The following ADGRE5 variants were observed in gnomAD, a reference collection of about 807,000 sequenced individuals.
ADGRE5 encodes adhesion G protein-coupled receptor E5.
In ADGRE5, 72 loss-of-function variants were observed where a neutral mutation model predicts 100.3. The ratio of observed to expected loss-of-function variants is 0.72; its 90% CI spans 0.59 to 0.87. The LOEUF (loss-of-function observed/expected upper bound fraction) is 0.87, where lower values mean the gene tolerates loss of function less well. ADGRE5 is among the 40% of genes least tolerant of loss of function. The pLI, the probability that ADGRE5 is intolerant of heterozygous loss-of-function variation, is 0.00. For missense variants in ADGRE5, 959 were observed against 1,094.7 expected (o/e 0.88, Z 1.75); for synonymous variants, 439 against 447.8 (o/e 0.98, Z 0.25).
Position 14,381,460 on chromosome 19 carries a change from T to C in ADGRE5, c.-64T>C, listed in dbSNP as rs2302996. 0.37 allele frequency: 585,329 copies of C among 1,593,648 alleles called. 109,903 individuals carry two copies. Among genetic ancestry groups the C allele is most frequent in the African/African-American group, 0.43 (31,438 of 72,626 alleles). Reference sequence around the variant, plus strand: ...ACAGCCTGCACAGCTGCCTAGCCTGTGGAGACGGGACAGCCCTGTCCCACT... The same window carrying C: ...ACAGCCTGCACAGCTGCCTAGCCTGCGGAGACGGGACAGCCCTGTCCCACT... On this transcript the variant is annotated 5_prime_UTR_variant, in exon 1 of 20. Coordinates refer to ENST00000242786, the MANE Select transcript of ADGRE5 (RefSeq NM_078481.4).
chr19:14,394,851 G>C (rs1599620646), intron 4 of ADGRE5, among the ~76,000 whole-genome samples: 1 of 152,084 alleles, frequency 6.6e-6, no homozygotes, highest in Non-Finnish European at 1.5e-5. Context: ...GATGCCTCCC[G>C]ACCACCTTTC....
chr19:14,382,462 T>C (rs1194475105), intron 1 of ADGRE5, among the ~76,000 whole-genome samples: 1 of 152,174 alleles, frequency 6.6e-6, no homozygotes, highest in Non-Finnish European at 1.5e-5. Context: ...ACTTTTCTCA[T>C]CTATAAAATG....
chr19:14,396,970 T>C, intron 5 of ADGRE5, 107 bp from the exon 6 acceptor site: 3 of 1,346,076 alleles, frequency 2.2e-6, no homozygotes, highest in Non-Finnish European at 3.0e-6. Context: ...TGTGCAATAA[T>C]GGTCTTCAGT....
At chr19:14,391,149 C>A in intron 4 of ADGRE5, 70 bp downstream of exon 4, 1 of 1,597,672 alleles carries the variant, frequency 6.3e-7, no homozygotes. Context: ...ATTCTGGCAG[C>A]ATCCAGAGAG....
chr19:14,407,522 C>T (rs919890164), intron 18 of ADGRE5, among the ~76,000 whole-genome samples: 3 of 151,844 alleles, frequency 2.0e-5, no homozygotes, highest in Admixed American at 6.6e-5. Flanking sequence ...TGGTGGCACA[C>T]GCCTGTAGTC....
Position 14,408,416 on chromosome 19 carries a change from G to A in ADGRE5, c.*295G>A. 1 of 591,586 alleles carries A rather than the reference G, an allele frequency of 1.7e-6. No individual in the cohort carries two copies. The highest frequency in any genetic ancestry group is 2.0e-5 in the South Asian group (1 of 50,356). The allele number at this position is 591,586 out of a possible 1,614,324, so 36.6% of individuals were successfully genotyped here. A position where few individuals can be genotyped will look rare whatever the true frequency, so the allele number is the denominator to read the frequency against. ...AATGCAGCATGTTGCCCTGGCACCT[G>A]TGGCCAGTACTCGGGACAGACTAAG... On this transcript the variant is annotated 3_prime_UTR_variant, in exon 20 of 20. Transcript: ENST00000242786.
chr19:14,383,378 G>A (rs1242779995), intron 1 of ADGRE5, among the ~76,000 whole-genome samples: 2 of 151,706 alleles, frequency 1.3e-5, no homozygotes, highest in East Asian at 1.9e-4. Flanking sequence ...GGTGGCGGGC[G>A]CCTGTAATCC....
At chr19:14,392,724 G>A (rs1975643672) in intron 4 of ADGRE5, among the ~76,000 whole-genome samples, 3 of 151,794 alleles carry the variant, frequency 2.0e-5, no homozygotes, top group African/African-American at 4.8e-5. Context: ...CCAACATGGC[G>A]AAACCCTGTG....
intron 1 of ADGRE5, among the ~76,000 whole-genome samples, chr19:14,385,523 C>T (rs975404299): frequency 1.1e-4 from 16 of 152,292 alleles, no homozygotes; most frequent in African/African-American, 3.8e-4. Context: ...TGAGGAGGGT[C>T]CCCCAGAACA....
intron 4 of ADGRE5, among the ~76,000 whole-genome samples, chr19:14,394,065 C>G (rs1975692503): frequency 6.6e-6 from 1 of 152,134 alleles, no homozygotes; most frequent in South Asian, 2.1e-4. Context: ...TGCTATGAAC[C>G]CCCTGCATGG....
rs1411246763 is a variant in ADGRE5, at chr19:14,406,892, T to A, written c.2139T>A (p.Thr713=). ...IILCNAVIFV[T]TVWKLTQKFS... is the part of the protein sequence containing the mutation. ...AGTGCAATGCTGTCATTTTCGTGAC[T>A]ACCGTCTGGAAGCTCACTCAGAAGT... The change falls in exon 17 of 20, where the codon ACT becomes ACA. Residue 713 remains threonine, a synonymous_variant. Coordinates refer to ENST00000242786, the MANE Select transcript of ADGRE5 (RefSeq NM_078481.4). This position sits in a 1 kb window ranked among gnomAD's most constrained non-coding sequence, Gnocchi z 6.0. 1 of 1,614,048 alleles carries A rather than the reference T, an allele frequency of 6.2e-7. No homozygotes were observed. The highest frequency in any genetic ancestry group is 8.5e-7 in the Non-Finnish European group (1 of 1,180,010).
intron 5 of ADGRE5, 131 bp downstream of exon 5, chr19:14,396,604 C>T (rs1975790177): frequency 1.4e-6 from 2 of 1,418,754 alleles, no homozygotes; most frequent in African/African-American, 2.9e-5. Flanking sequence ...CTGCTAAGCC[C>T]CTGCCTAAGG....
intron 1 of ADGRE5, among the ~76,000 whole-genome samples, chr19:14,385,828 T>C (rs1975329141): frequency 6.6e-6 from 1 of 151,154 alleles, no homozygotes; most frequent in Non-Finnish European, 1.5e-5. Flanking sequence ...TGGAGTGCAG[T>C]GGCGTGATCT....
At chr19:14,389,714 C>T (rs1213993724) in intron 3 of ADGRE5, among the ~76,000 whole-genome samples, 3 of 145,480 alleles carry the variant, frequency 2.1e-5, no homozygotes, top group Non-Finnish European at 3.0e-5. Context: ...CTGGCCTGGG[C>T]GACCAGAGCA....
chr19:14,386,223 TA>T (rs1249020300), intron 1 of ADGRE5, among the ~76,000 whole-genome samples: 8 of 147,344 alleles, frequency 5.4e-5, no homozygotes, highest in African/African-American at 2.0e-4. Context: ...ACTAAAAATA[TA>T]AAAAGTTAGC....
chr19:14,402,745 C>T lies in ADGRE5; in HGVS notation c.1332C>T (p.Ala444=), dbSNP rs374862599. The part of the protein sequence containing the change: ...IRGVQLRRLS[A]VNSIFLSHNN... ...GTGTCCAACTCAGACGCCTCTCTGC[C>T]GTCAACTCCATCTTTCTGAGCCACA... The change falls in exon 12 of 20, where the codon GCC becomes GCT. Residue 444 remains alanine (A), a synonymous_variant. Coordinates refer to ENST00000242786, the MANE Select transcript of ADGRE5 (RefSeq NM_078481.4). 5.1e-5 allele frequency: 82 copies of T among 1,613,958 alleles called. No individual in the cohort carries two copies. Among genetic ancestry groups the T allele is most frequent in the Middle Eastern group, 3.3e-4 (2 of 6,084 alleles).
chr19:14,384,071 G>C (rs1975248603), intron 1 of ADGRE5, among the ~76,000 whole-genome samples: 1 of 152,120 alleles, frequency 6.6e-6, no homozygotes, highest in African/African-American at 2.4e-5. Context: ...CCTGCCAGGG[G>C]AGGTCATTTT....
At chr19:14,391,310 T>C in intron 4 of ADGRE5, 1 of 583,354 alleles carries the variant, frequency 1.7e-6, no homozygotes, top group South Asian at 2.1e-5. Flanking sequence ...TAACCAAGTG[T>C]ATGACGTTGG....
chr19:14,384,940 CTA>C (rs1204428612), intron 1 of ADGRE5, among the ~76,000 whole-genome samples: 216 of 136,662 alleles, frequency 1.6e-3, no homozygotes, highest in Non-Finnish European at 2.7e-3. Context: ...CTCTGTCCCT[CTA>C]TCTCTCTGTC....
Sources: gnomAD v4.1 joint callset for allele counts (sites outside exome capture counted in the v4.1 genomes callset) on GRCh38, gnomAD v4.1.1 for gene constraint, Gnocchi (gnomAD v3.1) non-coding constraint, MANE v1.5 for transcripts, NCBI Gene and HGNC (gene_info 2026-07-23, HGNC 2026-07-21) for gene names.